Variants in SLC37A1 observed in about 807,000 individuals in gnomAD.
SLC37A1 encodes glucose-6-phosphate exchanger SLC37A1.
A neutral mutation model predicts 75.3 loss-of-function variants in SLC37A1; 49 were observed. The ratio of observed to expected loss-of-function variants is 0.65; its 90% CI spans 0.52 to 0.83. The LOEUF is 0.83. Ranked by LOEUF, SLC37A1 falls within the 40% of genes least tolerant of loss-of-function variation. The pLI is 0.00. For synonymous variants in SLC37A1, 268 were observed against 292.1 expected (o/e 0.92, Z 0.84); for missense variants, 566 against 695.0 (o/e 0.81, Z 2.09).
Position 42,545,337 on chromosome 21 carries a change from G to A in SLC37A1, c.730+1735G>A, listed in dbSNP as rs2055380526. ...AGACCCAGCTGTGACAACAGTGGCTGGATGCTGAGTCTGAGAACAGGAGCT... is the reference window on the plus strand; with the variant it reads ...AGACCCAGCTGTGACAACAGTGGCTAGATGCTGAGTCTGAGAACAGGAGCT... On this transcript the variant is annotated intron_variant, in intron 8 of 19. Transcript: ENST00000352133. The surrounding 1 kb of genome is among the most constrained non-coding windows in gnomAD (Gnocchi z 4.0). Among the ~76,000 whole-genome samples, 1 of 152,196 alleles carries A rather than the reference G, an allele frequency of 6.6e-6. No individual in the cohort carries two copies. The highest frequency in any genetic ancestry group is 2.4e-5 in the African/African-American group (1 of 41,448).
At chr21:42,567,937 A>T (rs1363381442) in intron 16 of SLC37A1, among the ~76,000 whole-genome samples, 2 of 152,250 alleles carry the variant, frequency 1.3e-5, no homozygotes, top group Non-Finnish European at 2.9e-5. Flanking sequence ...CTGCAGAGAC[A>T]TCTGACAGGG....
At chr21:42,521,909 C>A (rs1478346868) in intron 2 of SLC37A1, among the ~76,000 whole-genome samples, 2 of 152,214 alleles carry the variant, frequency 1.3e-5, no homozygotes, top group Non-Finnish European at 2.9e-5. Flanking sequence ...GGAATTTACC[C>A]TCTCACATCC....
At chr21:42,575,902 C>T in intron 18 of SLC37A1, 2 of 985,344 alleles carry the variant, frequency 2.0e-6, no homozygotes, top group Non-Finnish European at 2.4e-6. Flanking sequence ...CTAATGAAGC[C>T]TCCAGATGGA....
chr21:42,544,657 A>C (rs935365824), intron 8 of SLC37A1, among the ~76,000 whole-genome samples: 3 of 152,188 alleles, frequency 2.0e-5, no homozygotes, highest in African/African-American at 7.2e-5. Context: ...GCCACACCCC[A>C]AACAGCCTGA....
chr21:42,567,873 C>T (rs1396044174), intron 16 of SLC37A1, among the ~76,000 whole-genome samples: 1 of 152,162 alleles, frequency 6.6e-6, no homozygotes, highest in Non-Finnish European at 1.5e-5. Context: ...CTCAGCTCTC[C>T]CCTCCTCCCT....
At chr21:42,540,351 A>AGT (rs1222132499) in intron 6 of SLC37A1, among the ~76,000 whole-genome samples, 1 of 152,082 alleles carries the variant, frequency 6.6e-6, no homozygotes, top group African/African-American at 2.4e-5. Flanking sequence ...AGTGCCTAGG[A>AGT]GTGTTCAGGG....
chr21:42,555,693 G>C (rs553465975), intron 10 of SLC37A1, among the ~76,000 whole-genome samples: 1 of 152,302 alleles, frequency 6.6e-6, no homozygotes, highest in African/African-American at 2.4e-5. Context: ...CTTTCTTCTG[G>C]TGTAGTAACT....
rs183548729 is a variant in SLC37A1, at chr21:42,531,724, G to A, written c.139-2974G>A. On this transcript the variant is annotated intron_variant, in intron 3 of 19. Transcript: ENST00000352133. Reference sequence around the variant, plus strand: ...AGTTCATCTTAACCTAATTAAGTTTGCATTGTCTCTGGAACGCCACGTTTG... The same window carrying A: ...AGTTCATCTTAACCTAATTAAGTTTACATTGTCTCTGGAACGCCACGTTTG... Among the ~76,000 whole-genome samples, 691 of 152,122 alleles carry A rather than the reference G, an allele frequency of 4.5e-3. 6 individuals are homozygous for A. The highest frequency in any genetic ancestry group is 0.015 in the African/African-American group (635 of 41,454).
In SLC37A1 at chr21:42,581,413, T is replaced by C. The variant is rs1331870226; in HGVS notation, c.*1053T>C. ...TTATCTGCCCTTTGAAATAAAATGT[T>C]TTTGTTTAAAAAATCTCAGAACACT... On this transcript the variant is annotated 3_prime_UTR_variant, in exon 20 of 20. Coordinates refer to ENST00000352133, the MANE Select transcript of SLC37A1 (RefSeq NM_001320537.2). 6.5e-6 allele frequency: 1 copy of C among 152,672 alleles called. No individual in the cohort carries two copies. The highest frequency in any genetic ancestry group is 2.4e-5 in the African/African-American group (1 of 41,458). The allele number at this position is 152,672 out of a possible 1,614,324, so 9.5% of individuals were successfully genotyped here. A position where few individuals can be genotyped will look rare whatever the true frequency, so the allele number is the denominator to read the frequency against.
At chr21:42,519,305 A>G (rs1017426681) in intron 2 of SLC37A1, among the ~76,000 whole-genome samples, 1 of 152,202 alleles carries the variant, frequency 6.6e-6, no homozygotes, top group African/African-American at 2.4e-5. Context: ...AGAGAAAGGT[A>G]CCTGTGGGCA....
At chr21:42,549,269 A>C (rs1481732998) in intron 9 of SLC37A1, among the ~76,000 whole-genome samples, 1 of 152,204 alleles carries the variant, frequency 6.6e-6, no homozygotes, top group Non-Finnish European at 1.5e-5. Context: ...GCAGGCGTGC[A>C]GGGGGTTTTG....
intron 2 of SLC37A1, among the ~76,000 whole-genome samples, chr21:42,519,843 G>T (rs1401572400): frequency 1.3e-5 from 2 of 152,138 alleles, no homozygotes; most frequent in Non-Finnish European, 2.9e-5. Context: ...AGTTTATTTT[G>T]ATATAATTTC....
intron 2 of SLC37A1, among the ~76,000 whole-genome samples, chr21:42,522,288 A>G (rs896267443): frequency 2.0e-5 from 3 of 152,212 alleles, no homozygotes; most frequent in Non-Finnish European, 4.4e-5. Context: ...AAAAGGAAAC[A>G]TATCATCCAA....
In SLC37A1 at chr21:42,539,765, G is replaced by A. The variant is rs936302558; in HGVS notation, c.486+118G>A. 3.3e-5 allele frequency: 33 copies of A among 993,028 alleles called. No homozygotes were observed. The Admixed American group carries it at 4.0e-4, about 12-fold the overall frequency. The allele number at this position is 993,028 out of a possible 1,614,324, so 61.5% of individuals were successfully genotyped here. A position where few individuals can be genotyped will look rare whatever the true frequency, so the allele number is the denominator to read the frequency against. On this transcript the variant is annotated intron_variant, in intron 6 of 19. Coordinates refer to ENST00000352133, the MANE Select transcript of SLC37A1 (RefSeq NM_001320537.2). ...GGAAGGGGCAGAAGTGCGTCCTGTC[G>A]GAAGTCAGGGTCAGCTGACGTAACA...
chr21:42,514,955 A>C lies in SLC37A1; in HGVS notation c.-179+238A>C, dbSNP rs899394960. 3.3e-5 allele frequency: 5 copies of C among 152,270 alleles called. No individual in the cohort carries two copies. Among genetic ancestry groups the C allele is most frequent in the Admixed American group, 6.5e-5 (1 of 15,294 alleles). The allele number at this position is 152,270 out of a possible 1,614,324, so 9.4% of individuals were successfully genotyped here. A position where few individuals can be genotyped will look rare whatever the true frequency, so the allele number is the denominator to read the frequency against. ...AGTTGTGTAAGTGGATAAATATTTT[A>C]GACTTCCCCCGTTGTTTTTTTATTA... is the stretch of plus-strand genomic sequence containing the variant. On this transcript the variant is annotated intron_variant, in intron 1 of 19. Coordinates refer to ENST00000352133, the MANE Select transcript of SLC37A1 (RefSeq NM_001320537.2). This position sits in a 1 kb window ranked among gnomAD's most constrained non-coding sequence, Gnocchi z 4.8.
At position 42,548,930 on chromosome 21, in the gene SLC37A1, A is replaced by G. The variant is rs1468284422; in HGVS notation, c.768+1790A>G. On this transcript the variant is annotated intron_variant, in intron 9 of 19. Coordinates refer to ENST00000352133, the MANE Select transcript of SLC37A1 (RefSeq NM_001320537.2). This position sits in a 1 kb window ranked among gnomAD's most constrained non-coding sequence, Gnocchi z 5.6. ...CCTCGGGCTCCTGGGTGTGATTCAT[A>G]TGGAAAGAAGGGTTCTGATACTTGA... 6.6e-6 allele frequency among the ~76,000 whole-genome samples: 1 copy of G among 152,160 alleles called. No homozygotes were observed. Among genetic ancestry groups the G allele is most frequent in the African/African-American group, 2.4e-5 (1 of 41,434 alleles).
chr21:42,531,440 C>T (rs2054977440), intron 3 of SLC37A1, among the ~76,000 whole-genome samples: 1 of 152,244 alleles, frequency 6.6e-6, no homozygotes, highest in South Asian at 2.1e-4. Flanking sequence ...GTGTGGAGTT[C>T]AGTTGCTGCA....
chr21:42,565,941 T>G, intron 15 of SLC37A1, 66 bp downstream of exon 15: 1 of 1,510,940 alleles, frequency 6.6e-7, no homozygotes, highest in South Asian at 1.1e-5. Context: ...GCTGGCAAGA[T>G]GAAATACTAA....
chr21:42,573,340 T>TC (rs3831433), intron 17 of SLC37A1, among the ~76,000 whole-genome samples: 96,238 of 151,930 alleles, frequency 0.63, 31,303 homozygotes, highest in African/African-American at 0.72. Context: ...TTCCTTGCCT[T>TC]CCCCTCCCCT....
Sources: allele counts gnomAD v4.1 joint callset (sites outside exome capture counted in the v4.1 genomes callset), GRCh38; gene constraint gnomAD v4.1.1; non-coding constraint Gnocchi (gnomAD v3.1); transcripts MANE v1.5; gene names NCBI Gene and HGNC (gene_info 2026-07-23, HGNC 2026-07-21).